Variants in SDCCAG8 observed in about 807,000 individuals in gnomAD.
SDCCAG8 encodes the protein serologically defined colon cancer antigen 8.
SDCCAG8 carries 74 observed loss-of-function variants against 101.8 expected under a neutral mutation model. The observed-to-expected ratio is 0.73, with a 90% CI of 0.60 to 0.88. The LOEUF is 0.88. SDCCAG8 is among the 40% of genes least tolerant of loss of function. The probability of loss-of-function intolerance (pLI) is 0.00; values close to 1 mark genes in which losing one functional copy is unlikely to be tolerated. For missense variants in SDCCAG8, 787 were observed against 822.6 expected (o/e 0.96, Z 0.53); for synonymous variants, 281 against 292.9 (o/e 0.96, Z 0.41).
intron 16 of SDCCAG8, among the ~76,000 whole-genome samples, chr1:243,445,072 G>A (rs1298606491): frequency 6.6e-6 from 1 of 151,958 alleles, no homozygotes; most frequent in Non-Finnish European, 1.5e-5. Flanking sequence ...CTTATCTCAA[G>A]TAAATTTACT....
chr1:243,425,958 A>G (rs759936221), intron 15 of SDCCAG8, among the ~76,000 whole-genome samples: 17 of 152,344 alleles, frequency 1.1e-4, no homozygotes, highest in African/African-American at 3.1e-4. Context: ...TCTGGGCACC[A>G]TGGCCCAAAG....
chr1:243,369,733 G>C lies in SDCCAG8; in HGVS notation c.1474-8988G>C, dbSNP rs567186807. ...TAGGTTTTTAACATTGTGATTGATG[G>C]CTGTCTTTTATAGTTCAGCTCTTGA... is the stretch of plus-strand genomic sequence containing the variant. On this transcript the variant is annotated intron_variant, in intron 12 of 17. Transcript: ENST00000366541. 2.5e-4 allele frequency among the ~76,000 whole-genome samples: 38 copies of C among 152,150 alleles called. No individual in the cohort carries two copies. The South Asian group carries it at 7.7e-3, about 31-fold the overall frequency.
At position 243,316,671 on chromosome 1, in the gene SDCCAG8, A is replaced by G. The variant is rs1471479599; in HGVS notation, c.930-84A>G. Reference sequence around the variant, plus strand: ...CGGCCTACCCTGGCTCTTCTAATACATATTAATGCTTTTCTCTCCCTGACT... The same window carrying G: ...CGGCCTACCCTGGCTCTTCTAATACGTATTAATGCTTTTCTCTCCCTGACT... On this transcript the variant is annotated intron_variant, in intron 8 of 17. Coordinates refer to ENST00000366541, the MANE Select transcript of SDCCAG8 (RefSeq NM_006642.5). 3.9e-6 allele frequency: 6 copies of G among 1,549,090 alleles called. No individual in the cohort carries two copies. The African/African-American group carries it at 4.1e-5, about 11-fold the overall frequency.
chr1:243,309,927 A>G lies in SDCCAG8; in HGVS notation c.929+1750A>G, dbSNP rs369823618. 3.3e-5 allele frequency among the ~76,000 whole-genome samples: 5 copies of G among 151,974 alleles called. No individual in the cohort carries two copies. The South Asian group carries it at 8.3e-4, about 25-fold the overall frequency. Reference sequence around the variant, plus strand: ...TTGCCAGGCTGGAGTGCAGTGGCGCAATCTTGGCTCTCTGCAACCTCTGCT... The same window carrying G: ...TTGCCAGGCTGGAGTGCAGTGGCGCGATCTTGGCTCTCTGCAACCTCTGCT... On this transcript the variant is annotated intron_variant, in intron 8 of 17. Coordinates refer to ENST00000366541, the MANE Select transcript of SDCCAG8 (RefSeq NM_006642.5).
chr1:243,287,419 T>G (rs1334016998), intron 5 of SDCCAG8, among the ~76,000 whole-genome samples: 1 of 152,164 alleles, frequency 6.6e-6, no homozygotes, highest in East Asian at 1.9e-4. Context: ...TTGAAGTTTT[T>G]TTTTTTTTTA....
At chr1:243,325,981 G>A (rs2074120009) in intron 9 of SDCCAG8, among the ~76,000 whole-genome samples, 1 of 152,176 alleles carries the variant, frequency 6.6e-6, no homozygotes, top group Admixed American at 6.5e-5. Flanking sequence ...AGATGAAAAG[G>A]TTAACCAGGC....
chr1:243,444,512 C>G (rs1387616469), intron 16 of SDCCAG8, among the ~76,000 whole-genome samples: 1 of 152,004 alleles, frequency 6.6e-6, no homozygotes, highest in African/African-American at 2.4e-5. Context: ...GCTGGGACTA[C>G]AGGCACATGC....
intron 8 of SDCCAG8, among the ~76,000 whole-genome samples, chr1:243,308,867 G>A (rs886375170): frequency 2.6e-5 from 4 of 152,172 alleles, no homozygotes; most frequent in Non-Finnish European, 5.9e-5. Context: ...AGTTTATAGT[G>A]TATGTTCTTC....
intron 6 of SDCCAG8, chr1:243,293,494 G>T: frequency 1.7e-6 from 1 of 572,272 alleles, no homozygotes; most frequent in Non-Finnish European, 3.3e-6. Flanking sequence ...TTCAACTTTC[G>T]GTCTGTATAA....
intron 9 of SDCCAG8, among the ~76,000 whole-genome samples, chr1:243,326,218 C>A (rs1038311112): frequency 1.1e-4 from 17 of 152,038 alleles, no homozygotes; most frequent in African/African-American, 3.6e-4. Context: ...GTGGTGTGAA[C>A]TTTTTAAAAA....
In SDCCAG8 at chr1:243,486,222, A is replaced by G. The variant is rs1025134066; in HGVS notation, c.1986-2792A>G. ...GCCTCCAAAAAAAAAAAAAAAAAAAAAAAAAAAATCTCTTTTCCCAATATT... is the reference window on the plus strand; with the variant it reads ...GCCTCCAAAAAAAAAAAAAAAAAAAGAAAAAAAATCTCTTTTCCCAATATT... On this transcript the variant is annotated intron_variant, in intron 16 of 17. Coordinates refer to ENST00000366541, the MANE Select transcript of SDCCAG8 (RefSeq NM_006642.5). 1.4e-3 allele frequency among the ~76,000 whole-genome samples: 211 copies of G among 151,940 alleles called. 3 individuals carry two copies. The highest frequency in any genetic ancestry group is 6.6e-3 in the Admixed American group (100 of 15,254).
At chr1:243,456,448 G>A (rs531052549) in intron 16 of SDCCAG8, among the ~76,000 whole-genome samples, 1 of 152,264 alleles carries the variant, frequency 6.6e-6, no homozygotes, top group African/African-American at 2.4e-5. Context: ...AGATGTAGTG[G>A]CAGAGTAAAT....
At chr1:243,390,738 G>T (rs1443765275) in intron 13 of SDCCAG8, among the ~76,000 whole-genome samples, 1 of 152,126 alleles carries the variant, frequency 6.6e-6, no homozygotes, top group East Asian at 1.9e-4. Flanking sequence ...AGAATGTATT[G>T]CCCACACCAC....
chr1:243,347,094 T>A (rs899687350), intron 12 of SDCCAG8, among the ~76,000 whole-genome samples: 3 of 152,156 alleles, frequency 2.0e-5, no homozygotes, highest in Non-Finnish European at 4.4e-5. Flanking sequence ...TCTCACTTTT[T>A]TCTCTCTACT....
intron 13 of SDCCAG8, among the ~76,000 whole-genome samples, chr1:243,383,163 C>A (rs2078062489): frequency 6.6e-6 from 1 of 152,138 alleles, no homozygotes; most frequent in Non-Finnish European, 1.5e-5. Flanking sequence ...GAAATGGGGT[C>A]TTCGAATATA....
chr1:243,274,333 A>G (rs565823897), intron 3 of SDCCAG8, among the ~76,000 whole-genome samples: 2 of 152,338 alleles, frequency 1.3e-5, no homozygotes, highest in African/African-American at 2.4e-5. Context: ...GCTGGGGGCC[A>G]CATTTCAACT....
chr1:243,418,307 A>T (rs899440391), intron 15 of SDCCAG8, among the ~76,000 whole-genome samples: 1 of 152,130 alleles, frequency 6.6e-6, no homozygotes, highest in African/African-American at 2.4e-5. Context: ...CAATGTTTAG[A>T]ATTGAAAACT....
In SDCCAG8 at chr1:243,418,090, T is replaced by C. The variant is rs1448118420; in HGVS notation, c.1853+14T>C. On this transcript the variant is annotated intron_variant, in intron 15 of 17. Coordinates refer to ENST00000366541, the MANE Select transcript of SDCCAG8 (RefSeq NM_006642.5). ...TCAAAAAACCAGGTAGGTGATGTTA[T>C]AGAATACTTTCAAGAGCACTGTTTG... 3.9e-6 allele frequency: 6 copies of C among 1,546,444 alleles called. No homozygotes were observed. Among genetic ancestry groups the C allele is most frequent in the South Asian group, 2.2e-5 (2 of 89,724 alleles).
chr1:243,462,408 G>A (rs1399334202), intron 16 of SDCCAG8, among the ~76,000 whole-genome samples: 1 of 152,186 alleles, frequency 6.6e-6, no homozygotes, highest in Non-Finnish European at 1.5e-5. Flanking sequence ...TAGGTAAGGG[G>A]CTGTGTGGCT....
Sources: allele counts gnomAD v4.1 joint callset (sites outside exome capture counted in the v4.1 genomes callset), GRCh38; gene constraint gnomAD v4.1.1; transcripts MANE v1.5; gene names NCBI Gene and HGNC (gene_info 2026-07-23, HGNC 2026-07-21).